Variants in SEC16A observed in about 807,000 individuals in gnomAD.
The protein encoded by SEC16A is protein transport protein Sec16A.
Under a neutral mutation model 221.9 loss-of-function variants are expected in SEC16A, and 110 were observed. That is an observed-to-expected ratio of 0.50 (90% confidence interval 0.42 to 0.58). The LOEUF is 0.58. Among genes scored for constraint, SEC16A ranks in the 20% least tolerant of loss-of-function variants. The probability of loss-of-function intolerance (pLI) is 0.00; values close to 1 mark genes in which losing one functional copy is unlikely to be tolerated. For missense variants in SEC16A, 3,165 were observed against 3,097.8 expected, an observed-to-expected ratio of 1.02 and a Z score of -0.52; for synonymous variants, 1,393 against 1,257.7, an observed-to-expected ratio of 1.11 and a Z score of -2.28.
chr9:136,476,579 C>A lies in SEC16A; in HGVS notation c.1037G>T (p.Arg346Leu). ...PLARGDSPEN[R>L]THHPLGAGAG... The stretch of plus-strand genomic sequence containing the variant: ...CCCAGCCCCCAGTGGGTGGTGCGTA[C>A]GGTTTTCTGGGCTATCTCCCCGGGC... Residue 346 changes from arginine (R) to leucine (L), a missense_variant, in exon 3 of 32, where the codon CGT becomes CTT. Physicochemically the swap from Arg to Leu is moderately radical, Grantham distance 102. Around this residue, in one of 3 missense-constraint regions of SEC16A, gnomAD observed 2,030 missense variants for 1,923.1 expected, o/e 1.06. Coordinates refer to ENST00000684901, the MANE Select transcript of SEC16A (RefSeq NM_014866.2). The A allele has an allele frequency of 1.9e-6, 3 of 1,607,060 alleles. No homozygotes were observed. The highest frequency in any genetic ancestry group is 2.6e-6 in the Non-Finnish European group (3 of 1,175,290).
At position 136,477,587 on chromosome 9, in the gene SEC16A, G is replaced by A. The variant is rs773536159; in HGVS notation, c.29C>T (p.Ser10Phe). MQPPPQTVP[S>F]GMAGPPPAGN... ...GGCTGGAGGTGGCCCAGCCATGCCAGACGGGACCGTCTGGGGCGGTGGCTG... is the reference window on the plus strand; with the variant it reads ...GGCTGGAGGTGGCCCAGCCATGCCAAACGGGACCGTCTGGGGCGGTGGCTG... Residue 10 changes from serine (S) to phenylalanine (F), a missense_variant, in exon 3 of 32, where the codon TCT (serine) becomes TTT (phenylalanine). By Grantham distance (155) the Ser-to-Phe change is radical. This residue lies in a region of SEC16A where 2,030 missense variants were observed against 1,923.1 expected (regional missense o/e 1.06). Transcript: ENST00000684901. 3.1e-6 allele frequency: 5 copies of A among 1,611,710 alleles called. No individual in the cohort carries two copies. In the Admixed American group the frequency reaches 6.7e-5, roughly 22 times the overall value.
In SEC16A at chr9:136,467,026, T is replaced by C. The variant is rs1840251957; in HGVS notation, c.3860A>G (p.Tyr1287Cys). Residue 1287 changes from tyrosine (Y) to cysteine (C), a missense_variant, in exon 6 of 32, where the codon TAT becomes TGT. Transcript: ENST00000684901. ...TGCATCACACCAATACCTCCGGTCA[T>C]AGGTGCGGGGGTCCCTGACTCTAGC... The part of the protein sequence containing the change: ...YSARVRDPRT[Y>C]DRRYWCDAEY... 1.2e-6 allele frequency: 2 copies of C among 1,613,858 alleles called. No individual in the cohort carries two copies. Among genetic ancestry groups the C allele is most frequent in the Non-Finnish European group, 1.7e-6 (2 of 1,179,886 alleles).
chr9:136,447,250 G>GAAGGAATTGGGAGT lies in SEC16A; in HGVS notation c.6660_6673dup (p.Ser2225TyrfsTer47). ...ACCTGGGGTTGGCACGAACAAGTTA[G>GAAGGAATTGGGAGT]AAGGAATTGGGAGTGGCGCGAGTGG... On this transcript the variant is annotated frameshift_variant, in exon 27 of 32. Transcript: ENST00000684901. LOFTEE classifies it high-confidence loss of function. The surrounding 1 kb of genome is among the most constrained non-coding windows in gnomAD (Gnocchi z 5.5). 1 of 1,596,866 alleles carries GAAGGAATTGGGAGT rather than the reference G, an allele frequency of 6.3e-7. No individual in the cohort carries two copies. Among genetic ancestry groups the GAAGGAATTGGGAGT allele is most frequent in the Non-Finnish European group, 8.5e-7 (1 of 1,172,442 alleles).
At chr9:136,470,428 C>T (rs943393295) in intron 4 of SEC16A, among the ~76,000 whole-genome samples, 7 of 152,242 alleles carry the variant, frequency 4.6e-5, no homozygotes, top group African/African-American at 9.6e-5. Context: ...GTCTCTCCTC[C>T]GTGCTCTCGC....
chr9:136,475,232 G>A lies in SEC16A; in HGVS notation c.2384C>T (p.Pro795Leu), dbSNP rs751602146. 178 of 1,613,524 alleles carry A rather than the reference G, an allele frequency of 1.1e-4. No homozygotes were observed. The highest frequency in any genetic ancestry group is 1.4e-4 in the Non-Finnish European group (168 of 1,179,870). Residue 795 changes from proline (P) to leucine (L), a missense_variant, in exon 3 of 32, where the codon CCC becomes CTC. Physicochemically the swap from Pro to Leu is moderately conservative, Grantham distance 98 (BLOSUM62 -3). Around this residue, in one of 3 missense-constraint regions of SEC16A, gnomAD observed 2,030 missense variants for 1,923.1 expected, o/e 1.06. Coordinates refer to ENST00000684901, the MANE Select transcript of SEC16A (RefSeq NM_014866.2). This position sits in a 1 kb window ranked among gnomAD's most constrained non-coding sequence, Gnocchi z 5.0. ...AAGGGCCTCCTCCTCTCCCATTTTG[G>A]GAGGATTCTCAAGGTTCTCAGAAGC... ...IGASENLENP[P>L]KMGEEEALQS...
chr9:136,445,593 AGCTGCTGGGGAGGCCTGG>A (rs1564452883), intron 29 of SEC16A, 34 bp downstream of exon 29: 3 of 1,364,470 alleles, frequency 2.2e-6, no homozygotes, highest in Non-Finnish European at 3.0e-6. Context: ...CTGGACAGTG[AGCTGCTGGGGAGGCCTGG>A]GCTGCGGGGG....
At position 136,466,847 on chromosome 9, in the gene SEC16A, C is replaced by A; in HGVS notation, c.3929+110G>T. On this transcript the variant is annotated intron_variant, in intron 6 of 31. Transcript: ENST00000684901. This position sits in a 1 kb window ranked among gnomAD's most constrained non-coding sequence, Gnocchi z 5.5. ...CAGGGACCAAAACATCAGGCAGATG[C>A]TCACCCAAACTACCACAGCTCTTTG... is the stretch of plus-strand genomic sequence containing the variant. 7.5e-7 allele frequency: 1 copy of A among 1,333,974 alleles called. No homozygotes were observed. The highest frequency in any genetic ancestry group is 2.5e-5 in the East Asian group (1 of 39,756). The allele number at this position is 1,333,974 out of a possible 1,614,324, so 82.6% of individuals were successfully genotyped here.
rs980154926 is a variant in SEC16A, at chr9:136,478,780, G to A, written c.-141C>T. ...GTCCATGAGTTCGAGGCTGCAGTGAGCTATGATTATACCACCGCGGTCCAG... is the reference window on the plus strand; with the variant it reads ...GTCCATGAGTTCGAGGCTGCAGTGAACTATGATTATACCACCGCGGTCCAG... On this transcript the variant is annotated 5_prime_UTR_variant, in exon 2 of 32. Transcript: ENST00000684901. 1.3e-5 allele frequency among the ~76,000 whole-genome samples: 2 copies of A among 152,184 alleles called. No individual in the cohort carries two copies. Among genetic ancestry groups the A allele is most frequent in the Non-Finnish European group, 2.9e-5 (2 of 68,040 alleles).
intron 23 of SEC16A, 29 bp downstream of exon 23, chr9:136,451,227 C>T: frequency 6.2e-7 from 1 of 1,600,554 alleles, no homozygotes; most frequent in Non-Finnish European, 8.5e-7. Context: ...CTCCCGGCCG[C>T]CAGGCGCACC....
At position 136,466,810 on chromosome 9, in the gene SEC16A, C is replaced by T; in HGVS notation, c.3929+147G>A. ...GAACCCTGGGAGGGTCTGCTCCCTC[C>T]TTCCTTTCAGACAGGGACCAAAACA... On this transcript the variant is annotated intron_variant, in intron 6 of 31. Coordinates refer to ENST00000684901, the MANE Select transcript of SEC16A (RefSeq NM_014866.2). The surrounding 1 kb of genome is among the most constrained non-coding windows in gnomAD (Gnocchi z 5.5). The T allele has an allele frequency of 9.6e-7, 1 of 1,041,026 alleles. No individual in the cohort carries two copies. The allele number at this position is 1,041,026 out of a possible 1,614,324, so 64.5% of individuals were successfully genotyped here. A position where few individuals can be genotyped will look rare whatever the true frequency, so the allele number is the denominator to read the frequency against.
intron 13 of SEC16A, among the ~76,000 whole-genome samples, chr9:136,460,506 C>T (rs1309158230): frequency 6.6e-6 from 1 of 151,620 alleles, no homozygotes; most frequent in East Asian, 1.9e-4. Context: ...AAAAAATCAG[C>T]CCTAAGCCCT....
intron 19 of SEC16A, 108 bp downstream of exon 19, chr9:136,455,945 C>T (rs186611805): frequency 1.8e-5 from 22 of 1,190,554 alleles, no homozygotes; most frequent in Middle Eastern, 2.0e-4. Context: ...CATAGGCACA[C>T]GTTTGCAGTT....
Position 136,471,982 on chromosome 9 carries a change from G to A in SEC16A, c.3697C>T (p.Pro1233Ser), listed in dbSNP as rs1293482673. The change falls in exon 4 of 32, where the codon CCT becomes TCT. Residue 1233 changes from proline (P) to serine (S), a missense_variant. By Grantham distance (74) the Pro-to-Ser change is moderately conservative. Around this residue, in one of 3 missense-constraint regions of SEC16A, gnomAD observed 2,030 missense variants for 1,923.1 expected, o/e 1.06. Coordinates refer to ENST00000684901, the MANE Select transcript of SEC16A (RefSeq NM_014866.2). ...SRASHSSERP[P>S]PRQGYPEGYY... is the part of the protein sequence containing the mutation. ...GGGTGGGCGCGGCCGCACCTGGGAG[G>A]TGGCCGTTCCGAGGAGTGGCTGGCT... 6.2e-7 allele frequency: 1 copy of A among 1,611,994 alleles called. No homozygotes were observed. Among genetic ancestry groups the A allele is most frequent in the South Asian group, 1.1e-5 (1 of 91,080 alleles).
chr9:136,465,604 C>T (rs1840036870), intron 8 of SEC16A, among the ~76,000 whole-genome samples: 1 of 152,206 alleles, frequency 6.6e-6, no homozygotes, highest in East Asian at 1.9e-4. Context: ...ACTGCAGGAG[C>T]GGAGTCTCCA....
chr9:136,451,741 T>A (rs1282224154), intron 22 of SEC16A, among the ~76,000 whole-genome samples: 3 of 152,214 alleles, frequency 2.0e-5, no homozygotes, highest in Admixed American at 2.0e-4. Flanking sequence ...GAGGGAAGAC[T>A]GGCCAGAGGG....
intron 18 of SEC16A, among the ~76,000 whole-genome samples, chr9:136,456,583 G>A (rs1838707221): frequency 6.6e-6 from 1 of 152,228 alleles, no homozygotes; most frequent in Admixed American, 6.5e-5. Context: ...GGTGGGGGAT[G>A]AGCACCTAAG....
rs1488104521 is a variant in SEC16A, at chr9:136,464,613, T to C, written c.4304-51A>G. 4.6e-6 allele frequency: 7 copies of C among 1,513,096 alleles called. No homozygotes were observed. The African/African-American group carries it at 9.6e-5, about 21-fold the overall frequency. 93.7% of individuals were successfully genotyped at this position (1,513,096 alleles called of 1,614,324 possible). A position where few individuals can be genotyped will look rare whatever the true frequency, so the allele number is the denominator to read the frequency against. ...AAACAATCAGCTTGTCACTGATGCTTCTGAGCCTAGATTTTCAATGTGCTC... is the reference window on the plus strand; with the variant it reads ...AAACAATCAGCTTGTCACTGATGCTCCTGAGCCTAGATTTTCAATGTGCTC... On this transcript the variant is annotated intron_variant, in intron 8 of 31. Transcript: ENST00000684901.
chr9:136,459,337 G>T lies in SEC16A; in HGVS notation c.5304-98C>A. 7.2e-7 allele frequency: 1 copy of T among 1,393,460 alleles called. No individual in the cohort carries two copies. The highest frequency in any genetic ancestry group is 1.2e-5 in the South Asian group (1 of 80,176). The allele number at this position is 1,393,460 out of a possible 1,614,324, so 86.3% of individuals were successfully genotyped here. On this transcript the variant is annotated intron_variant, in intron 16 of 31. Coordinates refer to ENST00000684901, the MANE Select transcript of SEC16A (RefSeq NM_014866.2). The surrounding 1 kb of genome is among the most constrained non-coding windows in gnomAD (Gnocchi z 6.1). ...CATCCAGAAGTGTGTCCCACCACGT[G>T]ACAAATAAAGACATGATTCTGGCCA...
upstream of SEC16A, chr9:136,483,871 C>G (rs919983138): frequency 1.1e-6 from 1 of 924,218 alleles, no homozygotes; most frequent in East Asian, 1.2e-4. Context: ...GCGCTGGTTG[C>G]CTGGTTACGG....
Sources: allele counts gnomAD v4.1 joint callset (sites outside exome capture counted in the v4.1 genomes callset), GRCh38; gene constraint gnomAD v4.1.1; regional missense constraint gnomAD v4.1.1; non-coding constraint Gnocchi (gnomAD v3.1); transcripts MANE v1.5; gene names NCBI Gene and HGNC (gene_info 2026-07-23, HGNC 2026-07-21).